The following LDB2 variants were observed in gnomAD, a reference collection of about 807,000 sequenced individuals.
LDB2 encodes the protein LIM domain binding 2, also known as LIM domain-binding protein 2.
Under a neutral mutation model 44.3 loss-of-function variants are expected in LDB2, and 12 were observed. The ratio of observed to expected loss-of-function variants is 0.27; its 90% CI spans 0.17 to 0.44. The LOEUF (loss-of-function observed/expected upper bound fraction) is 0.44. Ranked by LOEUF, LDB2 falls within the 20% of genes least tolerant of loss-of-function variation. The pLI, the probability that LDB2 is intolerant of heterozygous loss-of-function variation, is 1.00. For missense variants in LDB2, 344 were observed against 473.5 expected (o/e 0.73, Z 2.54); for synonymous variants, 164 against 174.8 (o/e 0.94, Z 0.49).
chr4:16,564,182 G>T (rs923330459), intron 5 of LDB2, among the ~76,000 whole-genome samples: 4 of 151,926 alleles, frequency 2.6e-5, no homozygotes, highest in African/African-American at 9.7e-5. Context: ...CAAATGCCCT[G>T]AAATCCAACA....
intron 1 of LDB2, among the ~76,000 whole-genome samples, chr4:16,796,996 G>T (rs1158715391): frequency 6.6e-6 from 1 of 152,172 alleles, no homozygotes; most frequent in Non-Finnish European, 1.5e-5. Context: ...ATGCAACGTG[G>T]TATTGTGCAG....
At chr4:16,609,351 C>G (rs1033622748) in intron 2 of LDB2, among the ~76,000 whole-genome samples, 342 of 108,780 alleles carry the variant, frequency 3.1e-3, no homozygotes, top group South Asian at 5.3e-3. Flanking sequence ...GGGGAGGGGG[C>G]GGGGGGGGGA....
chr4:16,569,998 C>T (rs1429891982), intron 5 of LDB2, among the ~76,000 whole-genome samples: 1 of 152,150 alleles, frequency 6.6e-6, no homozygotes, highest in Non-Finnish European at 1.5e-5. Context: ...TAACAGCCTT[C>T]GCAGAAGTGC....
At chr4:16,523,177 G>A (rs1726915389) in intron 5 of LDB2, among the ~76,000 whole-genome samples, 1 of 152,128 alleles carries the variant, frequency 6.6e-6, no homozygotes, top group Non-Finnish European at 1.5e-5. Flanking sequence ...GATTTTATGG[G>A]TTACCAAGTC....
intron 2 of LDB2, among the ~76,000 whole-genome samples, chr4:16,598,330 C>A (rs553662911): frequency 1.3e-5 from 2 of 152,230 alleles, no homozygotes; most frequent in South Asian, 4.1e-4. Context: ...CCATGAGAAG[C>A]CCAACCTAGC....
chr4:16,797,652 C>A (rs1776995912), intron 1 of LDB2, among the ~76,000 whole-genome samples: 1 of 151,960 alleles, frequency 6.6e-6, no homozygotes, highest in Non-Finnish European at 1.5e-5. Context: ...TAATAGCTAA[C>A]ATTTATTAGA....
chr4:16,883,404 G>A lies in LDB2; in HGVS notation c.132+14950C>T, dbSNP rs566376351. On this transcript the variant is annotated intron_variant, in intron 1 of 7. Coordinates refer to ENST00000304523, the MANE Select transcript of LDB2 (RefSeq NM_001290.5). ...TCTCCGAGGCTTAAGTTTACAGAGG[G>A]AAGAAGGTACGAGAAAGATTCAAGA... Among the ~76,000 whole-genome samples, 4 of 152,306 alleles carry A rather than the reference G, an allele frequency of 2.6e-5. No individual in the cohort carries two copies. The South Asian group carries it at 6.2e-4, about 24-fold the overall frequency.
chr4:16,747,858 T>C (rs1764698266), intron 2 of LDB2, among the ~76,000 whole-genome samples: 1 of 152,168 alleles, frequency 6.6e-6, no homozygotes, highest in South Asian at 2.1e-4. Context: ...AGCTCATAAT[T>C]AGATTTTGAA....
rs576244899 is a variant in LDB2 at position 16,644,553 on chromosome 4, G to T, written c.236-48678C>A. 3.8e-4 allele frequency among the ~76,000 whole-genome samples: 58 copies of T among 151,482 alleles called. 1 individual carries two copies. Among genetic ancestry groups the T allele is most frequent in the African/African-American group, 1.4e-3 (58 of 41,268 alleles). On this transcript the variant is annotated intron_variant, in intron 2 of 7. Transcript: ENST00000304523. ...AGGGATTTTCCTGCCTCAGCCTCCC[G>T]AGTAGCTGGCATTACAGGCATGTGC... is the stretch of plus-strand genomic sequence containing the variant.
intron 1 of LDB2, among the ~76,000 whole-genome samples, chr4:16,853,909 T>A (rs2110204348): frequency 6.6e-6 from 1 of 152,258 alleles, no homozygotes; most frequent in Non-Finnish European, 1.5e-5. Flanking sequence ...CTCACCTAGA[T>A]GTGAAATCTT....
chr4:16,694,790 T>A (rs1485171548), intron 2 of LDB2, among the ~76,000 whole-genome samples: 1 of 152,184 alleles, frequency 6.6e-6, no homozygotes, highest in African/African-American at 2.4e-5. Context: ...GCACCTACCT[T>A]CCAGAGTTGT....
intron 2 of LDB2, among the ~76,000 whole-genome samples, chr4:16,661,380 G>C (rs973085379): frequency 1.3e-5 from 2 of 152,076 alleles, no homozygotes; most frequent in Non-Finnish European, 2.9e-5. Context: ...AAGTACAGAG[G>C]GCATAGAACT....
intron 2 of LDB2, among the ~76,000 whole-genome samples, chr4:16,616,854 C>T (rs1727479152): frequency 6.6e-6 from 1 of 152,096 alleles, no homozygotes; most frequent in Admixed American, 6.5e-5. Context: ...AGATCAAGTT[C>T]TCCTGTCTGT....
At chr4:16,882,374 T>G (rs944815948) in intron 1 of LDB2, among the ~76,000 whole-genome samples, 1 of 152,150 alleles carries the variant, frequency 6.6e-6, no homozygotes, top group African/African-American at 2.4e-5. Context: ...AGCAGAGTTC[T>G]TTCTTCTCTC....
At position 16,537,009 on chromosome 4, in the gene LDB2, C is replaced by T. The variant is rs148777107; in HGVS notation, c.616-24905G>A. ...TACTCATATTCCTAAACTCATATTT[C>T]GGTATTGCCTTTTTGAGGTTTTTAC... On this transcript the variant is annotated intron_variant, in intron 5 of 7. Transcript: ENST00000304523. Among the ~76,000 whole-genome samples the T allele has an allele frequency of 2.1e-3, 325 of 152,240 alleles. 2 individuals carry two copies. The highest frequency in any genetic ancestry group is 7.5e-3 in the African/African-American group (311 of 41,544).
At chr4:16,753,435 T>C (rs1177887900) in intron 2 of LDB2, among the ~76,000 whole-genome samples, 2 of 152,102 alleles carry the variant, frequency 1.3e-5, no homozygotes, top group Non-Finnish European at 2.9e-5. Context: ...ACTTAGTCAA[T>C]ACTGCAAAGC....
At chr4:16,731,686 A>G (rs978315689) in intron 2 of LDB2, among the ~76,000 whole-genome samples, 1 of 152,182 alleles carries the variant, frequency 6.6e-6, no homozygotes, top group African/African-American at 2.4e-5. Context: ...CACCTAGTAT[A>G]CGAAATTTTA....
At chr4:16,551,189 G>T (rs1294434563) in intron 5 of LDB2, among the ~76,000 whole-genome samples, 1 of 152,132 alleles carries the variant, frequency 6.6e-6, no homozygotes, top group Non-Finnish European at 1.5e-5. Flanking sequence ...ATTTAGGAGG[G>T]TCGATTGAGG....
chr4:16,626,682 T>C (rs559518440), intron 2 of LDB2: 25 of 152,312 alleles, frequency 1.6e-4, no homozygotes, highest in Non-Finnish European at 3.2e-4. Context: ...GACAAGTTGC[T>C]TTACCTTGCT....
Sources: allele counts gnomAD v4.1 joint callset (sites outside exome capture counted in the v4.1 genomes callset), GRCh38; gene constraint gnomAD v4.1.1; transcripts MANE v1.5; gene names NCBI Gene and HGNC (gene_info 2026-07-23, HGNC 2026-07-21).